Variants in ANO3 observed in about 807,000 individuals in gnomAD.
ANO3 encodes anoctamin 3.
ANO3 carries 99 observed loss-of-function variants against 144.8 expected under a neutral mutation model. That is an observed-to-expected ratio of 0.68 (90% CI 0.58 to 0.81). The LOEUF is 0.81. ANO3 is among the 30% of genes least tolerant of loss of function. ANO3 has a pLI of 0.00. For missense variants in ANO3, 905 were observed against 1,202.2 expected (o/e 0.75, Z 3.66); for synonymous variants, 414 against 392.6 (o/e 1.05, Z -0.64).
intron 5 of ANO3, among the ~76,000 whole-genome samples, chr11:26,511,530 C>T (rs1179659848): frequency 1.3e-5 from 2 of 152,160 alleles, no homozygotes; most frequent in East Asian, 3.9e-4. Flanking sequence ...TTTCAATCTA[C>T]ACTTACTAAT....
intron 1 of ANO3, among the ~76,000 whole-genome samples, chr11:26,351,159 G>T (rs895822691): frequency 6.6e-6 from 1 of 151,904 alleles, no homozygotes; most frequent in African/African-American, 2.4e-5. Flanking sequence ...CTTAATTTTT[G>T]CCTTTTTTCT....
At chr11:26,660,196 T>C in intron 26 of ANO3, 66 bp from the exon 27 acceptor site, 1 of 1,416,004 alleles carries the variant, frequency 7.1e-7, no homozygotes, top group South Asian at 1.2e-5. Context: ...TGTTCATTGT[T>C]GTACTGTTTT....
At chr11:26,326,651 A>G (rs887334215) in intron 1 of ANO3, among the ~76,000 whole-genome samples, 2 of 152,230 alleles carry the variant, frequency 1.3e-5, no homozygotes, top group Admixed American at 6.5e-5. Flanking sequence ...GGGGTCAAGT[A>G]TATATTATCT....
intron 12 of ANO3, among the ~76,000 whole-genome samples, chr11:26,548,925 T>C (rs1329678799): frequency 1.3e-5 from 2 of 148,432 alleles, no homozygotes; most frequent in Non-Finnish European, 3.0e-5. Context: ...AGAAGAAAGG[T>C]TGTGGTTTAG....
At chr11:26,453,821 T>A (rs933077303) in intron 3 of ANO3, among the ~76,000 whole-genome samples, 2 of 152,072 alleles carry the variant, frequency 1.3e-5, no homozygotes, top group African/African-American at 4.8e-5. Flanking sequence ...ATTGACCACA[T>A]GGTTGGAAGT....
At chr11:26,455,068 A>G (rs1487431499) in intron 3 of ANO3, among the ~76,000 whole-genome samples, 3 of 151,928 alleles carry the variant, frequency 2.0e-5, no homozygotes, top group Non-Finnish European at 4.4e-5. Flanking sequence ...TTGATGGGAC[A>G]TATCTCAAAA....
Position 26,322,480 on chromosome 11 carries a change from C to T in ANO3, c.-3+12761C>T, listed in dbSNP as rs920718391. ...AGTCCATTACATGCAGTTGTCATGT[C>T]TCTTTAGGCTCCTCTTGACTTGACA... is the stretch of plus-strand genomic sequence containing the variant. On this transcript the variant is annotated intron_variant, in intron 1 of 26. Coordinates refer to the ANO3 transcript ENST00000525139. 2.0e-5 allele frequency among the ~76,000 whole-genome samples: 3 copies of T among 152,162 alleles called. No individual in the cohort carries two copies. In the East Asian group the frequency reaches 5.8e-4, roughly 29 times the overall value.
chr11:26,542,872 A>AAT (rs3038205), intron 11 of ANO3, among the ~76,000 whole-genome samples: 99,881 of 151,756 alleles, frequency 0.66, 33,149 homozygotes, highest in East Asian at 0.83. Context: ...CATTTATATT[A>AAT]ATATATGTTA....
intron 1 of ANO3, among the ~76,000 whole-genome samples, chr11:26,300,842 CTTTCTTTTT>C (rs1854211539): frequency 6.8e-6 from 1 of 147,814 alleles, no homozygotes; most frequent in African/African-American, 2.5e-5. Context: ...TTATTTATTT[CTTTCTTTTT>C]TTTCTTTTTT....
At chr11:26,473,087 A>G (rs1309219703) in intron 4 of ANO3, among the ~76,000 whole-genome samples, 1 of 151,980 alleles carries the variant, frequency 6.6e-6, no homozygotes, top group Non-Finnish European at 1.5e-5. Context: ...AGAGTAATAT[A>G]CCATTTGTTC....
intron 7 of ANO3, 66 bp from the exon 8 acceptor site, chr11:26,531,139 T>A: frequency 6.4e-7 from 1 of 1,565,066 alleles, no homozygotes; most frequent in Non-Finnish European, 8.7e-7. Flanking sequence ...AAGTGAATTG[T>A]AGTGGAAGGT....
chr11:26,657,101 C>A (rs1853713396), intron 26 of ANO3, among the ~76,000 whole-genome samples: 1 of 152,124 alleles, frequency 6.6e-6, no homozygotes, highest in Admixed American at 6.5e-5. Context: ...TGAGTATCTA[C>A]TCTCTGAGGT....
intron 1 of ANO3, among the ~76,000 whole-genome samples, chr11:26,274,107 C>T (rs1199221891): frequency 6.6e-6 from 1 of 152,082 alleles, no homozygotes; most frequent in African/African-American, 2.4e-5. Context: ...ATCTCTTCTG[C>T]TCACATTTTA....
At chr11:26,476,703 G>T (rs1265220332) in intron 4 of ANO3, among the ~76,000 whole-genome samples, 2 of 152,080 alleles carry the variant, frequency 1.3e-5, no homozygotes, top group Non-Finnish European at 2.9e-5. Context: ...CAAAGGTGAA[G>T]GTGCCTGGCC....
chr11:26,272,801 G>A (rs1390174266), intron 1 of ANO3, among the ~76,000 whole-genome samples: 1 of 152,110 alleles, frequency 6.6e-6, no homozygotes, highest in African/African-American at 2.4e-5. Flanking sequence ...TATTAATAAG[G>A]AAGATAAACA....
At position 26,662,409 on chromosome 11, in the gene ANO3, C is replaced by A. The variant is rs1131937; in HGVS notation, c.*1965C>A. 1 of 151,698 alleles carries A rather than the reference C, an allele frequency of 6.6e-6. No individual in the cohort carries two copies. The highest frequency in any genetic ancestry group is 1.5e-5 in the Non-Finnish European group (1 of 67,928). 9.4% of individuals were successfully genotyped at this position (151,698 alleles called of 1,614,324 possible). ...CTCCATTTTTATAGCATCTGCATTT[C>A]TTTTTCTTTGTTAGGTACATGTATA... On this transcript the variant is annotated 3_prime_UTR_variant, in exon 27 of 27. Coordinates refer to ENST00000256737, the MANE Select transcript of ANO3 (RefSeq NM_031418.4).
intron 1 of ANO3, among the ~76,000 whole-genome samples, chr11:26,366,687 G>A (rs1349915074): frequency 6.6e-6 from 1 of 152,070 alleles, no homozygotes; most frequent in Non-Finnish European, 1.5e-5. Flanking sequence ...GTGTGAGATG[G>A]TATCTCATTG....
chr11:26,269,836 CG>C (rs1336126690), intron 1 of ANO3, among the ~76,000 whole-genome samples: 34 of 152,264 alleles, frequency 2.2e-4, no homozygotes, highest in African/African-American at 7.9e-4. Context: ...TATTGAAATC[CG>C]AAATCCCCAG....
At chr11:26,291,889 G>A (rs1034359221) in intron 1 of ANO3, among the ~76,000 whole-genome samples, 2 of 151,992 alleles carry the variant, frequency 1.3e-5, no homozygotes, top group African/African-American at 4.8e-5. Flanking sequence ...TATGTGTCTT[G>A]GGGTTGCTCT....
Sources: gnomAD v4.1 joint callset for allele counts (sites outside exome capture counted in the v4.1 genomes callset) on GRCh38, gnomAD v4.1.1 for gene constraint, MANE v1.5 for transcripts, NCBI Gene and HGNC (gene_info 2026-07-23, HGNC 2026-07-21) for gene names.